ACTR3B: variants seen among roughly 807,000 people sequenced by gnomAD.
ACTR3B encodes actin related protein 3B.
In ACTR3B, 8 loss-of-function variants were observed where a neutral mutation model predicts 59.0. The ratio of observed to expected loss-of-function variants is 0.14; its 90% CI spans 0.08 to 0.24. ACTR3B has a LOEUF of 0.24. Ranked by LOEUF, ACTR3B falls within the 10% of genes least tolerant of loss-of-function variation. The probability of loss-of-function intolerance (pLI) is 1.00; values close to 1 mark genes in which losing one functional copy is unlikely to be tolerated. For missense variants in ACTR3B, 245 were observed against 552.3 expected (o/e 0.44, Z 5.58); for synonymous variants, 148 against 197.9 (o/e 0.75, Z 2.12).
chr7:152,795,007 T>G (rs2116698490), intron 2 of ACTR3B, among the ~76,000 whole-genome samples: 1 of 151,482 alleles, frequency 6.6e-6, no homozygotes, highest in Non-Finnish European at 1.5e-5. Context: ...CAAGATGCCC[T>G]TCTGAGAAAA....
intron 1 of ACTR3B, among the ~76,000 whole-genome samples, chr7:152,773,946 C>T (rs1041210398): frequency 1.3e-5 from 2 of 152,184 alleles, no homozygotes; most frequent in Non-Finnish European, 2.9e-5. Flanking sequence ...GGTACCTGGG[C>T]ACCAACGAGT....
intron 4 of ACTR3B, among the ~76,000 whole-genome samples, chr7:152,806,441 T>C (rs1563112092): frequency 6.6e-6 from 1 of 152,242 alleles, no homozygotes; most frequent in Non-Finnish European, 1.5e-5. Flanking sequence ...GTAATAGAAG[T>C]ATAAAAGCAG....
Position 152,759,907 on chromosome 7 carries a change from G to T in ACTR3B, c.25G>T (p.Val9Leu). 7.2e-7 allele frequency: 1 copy of T among 1,393,622 alleles called. No homozygotes were observed. The highest frequency in any genetic ancestry group is 9.4e-7 in the Non-Finnish European group (1 of 1,065,334). 86.3% of individuals were successfully genotyped at this position (1,393,622 alleles called of 1,614,324 possible). The change falls in exon 1 of 12, where the codon GTG becomes TTG. Residue 9 changes from valine (V) to leucine (L), a missense_variant. Physicochemically the swap from Val to Leu is conservative, Grantham distance 32. Transcript: ENST00000256001. MAGSLPPC[V>L]VDCGTGYTKL... ...CATGGCAGGCTCCCTGCCTCCCTGC[G>T]TGGTGGACTGTGGCACCGGGTAAGA...
At chr7:152,790,883 A>G (rs1401193048) in intron 2 of ACTR3B, among the ~76,000 whole-genome samples, 1 of 152,092 alleles carries the variant, frequency 6.6e-6, no homozygotes, top group East Asian at 1.9e-4. Context: ...AACCTTCCTT[A>G]GATTGCCCTC....
At chr7:152,820,769 C>T (rs10246181) in intron 7 of ACTR3B, among the ~76,000 whole-genome samples, 4,083 of 152,328 alleles carry the variant, frequency 0.027, 65 homozygotes, top group African/African-American at 0.061. Context: ...CTCCATGCTT[C>T]GCTGTAGAAT....
At chr7:152,827,780 G>A (rs1331069978) in intron 9 of ACTR3B, among the ~76,000 whole-genome samples, 4 of 152,348 alleles carry the variant, frequency 2.6e-5, no homozygotes, top group Admixed American at 6.5e-5. Flanking sequence ...CTGTAGCCAC[G>A]AAGAAAGGGA....
intron 9 of ACTR3B, among the ~76,000 whole-genome samples, chr7:152,849,946 C>T (rs1050857309): frequency 2.0e-5 from 3 of 149,060 alleles, no homozygotes; most frequent in Admixed American, 2.0e-4. Flanking sequence ...TGGTGGCACT[C>T]CCAGGTGGAA....
chr7:152,768,401 G>A (rs1386710948), intron 1 of ACTR3B, among the ~76,000 whole-genome samples: 1 of 152,148 alleles, frequency 6.6e-6, no homozygotes, highest in African/African-American at 2.4e-5. Context: ...CCTGATTTTA[G>A]TGGGATAGTT....
chr7:152,789,589 T>A (rs1323885889), intron 2 of ACTR3B, among the ~76,000 whole-genome samples: 1 of 150,668 alleles, frequency 6.6e-6, no homozygotes. Context: ...TGACCTCTCT[T>A]ATTTAACAGT....
chr7:152,817,610 T>C (rs2531054), intron 6 of ACTR3B, among the ~76,000 whole-genome samples: 1 of 149,822 alleles, frequency 6.7e-6, no homozygotes, highest in Non-Finnish European at 1.5e-5. Flanking sequence ...AGGGAAGTCA[T>C]ACTCATCCTG....
At chr7:152,826,932 T>C (rs1399098808) in intron 9 of ACTR3B, among the ~76,000 whole-genome samples, 3 of 151,902 alleles carry the variant, frequency 2.0e-5, no homozygotes, top group African/African-American at 7.3e-5. Flanking sequence ...TAAGCCCGTT[T>C]CCCGCATCTT....
At chr7:152,760,097 C>A (rs141531100) in intron 1 of ACTR3B, among the ~76,000 whole-genome samples, 171 bp downstream of exon 1, 5 of 152,300 alleles carry the variant, frequency 3.3e-5, no homozygotes, top group Non-Finnish European at 5.9e-5. Context: ...GCCTTGACGT[C>A]GTAAAACCCC....
intron 1 of ACTR3B, among the ~76,000 whole-genome samples, chr7:152,776,643 T>G (rs1250156850): frequency 1.3e-5 from 2 of 152,204 alleles, no homozygotes; most frequent in Admixed American, 6.5e-5. Flanking sequence ...AAATCCTACT[T>G]CTTTTGAATT....
At chr7:152,794,635 TG>T (rs2098209400) in intron 2 of ACTR3B, among the ~76,000 whole-genome samples, 1 of 152,252 alleles carries the variant, frequency 6.6e-6, no homozygotes, top group Non-Finnish European at 1.5e-5. Flanking sequence ...AGTGGCCCTT[TG>T]GAATACCAAA....
chr7:152,818,533 C>G (rs190516032), intron 6 of ACTR3B, among the ~76,000 whole-genome samples: 1,823 of 152,244 alleles, frequency 0.012, 32 homozygotes, highest in African/African-American at 0.041. Flanking sequence ...ACACTGCAAC[C>G]TCTGCCTCCC....
chr7:152,809,488 G>A (rs1317986244), intron 4 of ACTR3B, among the ~76,000 whole-genome samples: 9 of 152,098 alleles, frequency 5.9e-5, no homozygotes, highest in East Asian at 1.9e-4. Context: ...TGTTCCAGGG[G>A]TGATTGTGTG....
At chr7:152,835,152 G>A (rs1281286374) in intron 9 of ACTR3B, among the ~76,000 whole-genome samples, 2 of 152,144 alleles carry the variant, frequency 1.3e-5, no homozygotes, top group African/African-American at 4.8e-5. Context: ...GAGTATAGGC[G>A]TCAGGGCCAA....
At chr7:152,771,002 C>CA (rs1288456425) in intron 1 of ACTR3B, among the ~76,000 whole-genome samples, 2 of 150,848 alleles carry the variant, frequency 1.3e-5, no homozygotes, top group Non-Finnish European at 3.0e-5. Flanking sequence ...CTCGCTCTGA[C>CA]ACCCAGGCTG....
In ACTR3B at chr7:152,852,287, T is replaced by C. The variant is rs780192495; in HGVS notation, c.1077+36T>C. The stretch of plus-strand genomic sequence containing the variant: ...GAGGCCTCCACGCAGTGCCTGGGGC[T>C]ATTGCCCCAGGCCTGACCGGGGCCC... On this transcript the variant is annotated intron_variant, in intron 10 of 11. Transcript: ENST00000256001. 3.2e-6 allele frequency: 5 copies of C among 1,574,650 alleles called. 1 individual carries two copies. The Middle Eastern group carries it at 7.7e-4, about 244-fold the overall frequency.
Sources: gnomAD v4.1 joint callset for allele counts (sites outside exome capture counted in the v4.1 genomes callset) on GRCh38, gnomAD v4.1.1 for gene constraint, MANE v1.5 for transcripts, NCBI Gene and HGNC (gene_info 2026-07-23, HGNC 2026-07-21) for gene names.